The following MGMT variants were observed in gnomAD, a reference collection of about 807,000 sequenced individuals.
MGMT encodes methylated-DNA--protein-cysteine methyltransferase.
Under a neutral mutation model 15.9 loss-of-function variants are expected in MGMT, and 14 were observed. The observed-to-expected ratio is 0.88, with a 90% CI of 0.58 to 1.37. The LOEUF is 1.37. Ranked by LOEUF, MGMT falls within the 40% of genes most tolerant of loss-of-function variation. The pLI is 0.00. For missense variants in MGMT, 282 were observed against 268.1 expected, an observed-to-expected ratio of 1.05 and a Z score of -0.36; for synonymous variants, 130 against 118.2, an observed-to-expected ratio of 1.10 and a Z score of -0.65.
chr10:129,669,367 G>A (rs959311205), intron 2 of MGMT, among the ~76,000 whole-genome samples: 1 of 151,894 alleles, frequency 6.6e-6, no homozygotes, highest in African/African-American at 2.4e-5. Context: ...CTGGCTGGTT[G>A]CTTACCAATT....
chr10:129,559,920 T>C (rs932669504), intron 2 of MGMT, among the ~76,000 whole-genome samples: 2 of 152,246 alleles, frequency 1.3e-5, no homozygotes, highest in Non-Finnish European at 2.9e-5. Context: ...ATGCAGGTGC[T>C]GTTCCTTGGA....
intron 1 of MGMT, among the ~76,000 whole-genome samples, chr10:129,531,063 A>G (rs1397964739): frequency 1.3e-5 from 2 of 152,108 alleles, no homozygotes; most frequent in Non-Finnish European, 2.9e-5. Context: ...CAGGGGTCAC[A>G]GTGAATCTTC....
At chr10:129,560,774 A>G (rs1846267298) in intron 2 of MGMT, among the ~76,000 whole-genome samples, 1 of 152,216 alleles carries the variant, frequency 6.6e-6, no homozygotes, top group South Asian at 2.1e-4. Context: ...ATTTTCATTC[A>G]GCCATTAAAG....
At chr10:129,752,420 T>C (rs1170028528) in intron 3 of MGMT, among the ~76,000 whole-genome samples, 2 of 152,028 alleles carry the variant, frequency 1.3e-5, no homozygotes, top group Admixed American at 1.3e-4. Context: ...TTTTTAAAAA[T>C]CTATTGTGAC....
Position 129,570,309 on chromosome 10 carries a change from A to T in MGMT, c.125+33932A>T, listed in dbSNP as rs928080872. Reference sequence around the variant, plus strand: ...GGGCTTTTGTTGGTGTAGCTCTGCAAGTCAGCAGCACCCGGGTTCCACCCG... The same window carrying T: ...GGGCTTTTGTTGGTGTAGCTCTGCATGTCAGCAGCACCCGGGTTCCACCCG... On this transcript the variant is annotated intron_variant, in intron 2 of 4. Transcript: ENST00000651593. Among the ~76,000 whole-genome samples the T allele has an allele frequency of 2.0e-5, 3 of 152,262 alleles. 1 individual carries two copies. In the South Asian group the frequency reaches 6.2e-4, roughly 31 times the overall value.
chr10:129,519,718 G>T (rs745347277), intron 1 of MGMT, among the ~76,000 whole-genome samples: 1 of 152,126 alleles, frequency 6.6e-6, no homozygotes, highest in African/African-American at 2.4e-5. Flanking sequence ...ATGAAACTTA[G>T]TCTTTGCTAA....
intron 2 of MGMT, among the ~76,000 whole-genome samples, chr10:129,582,034 G>A (rs1178771097): frequency 1.3e-5 from 2 of 152,176 alleles, no homozygotes; most frequent in East Asian, 1.9e-4. Context: ...CTCTGTGGGC[G>A]GACTGTCCCA....
At chr10:129,647,115 C>G (rs117272437) in intron 2 of MGMT, among the ~76,000 whole-genome samples, 6 of 152,134 alleles carry the variant, frequency 3.9e-5, no homozygotes, top group African/African-American at 1.4e-4. Context: ...GTAGCCCCCA[C>G]GCCAAGTCCC....
intron 1 of MGMT, among the ~76,000 whole-genome samples, chr10:129,531,792 G>A (rs1451716825): frequency 1.4e-5 from 2 of 144,660 alleles, no homozygotes; most frequent in Non-Finnish European, 3.1e-5. Context: ...GGGTGGGGGG[G>A]GGTGGGGGTT....
At chr10:129,702,556 G>A (rs961781568) in intron 2 of MGMT, among the ~76,000 whole-genome samples, 7 of 152,200 alleles carry the variant, frequency 4.6e-5, no homozygotes, top group African/African-American at 1.4e-4. Context: ...GATGGGATAG[G>A]AAGGGGCTGA....
chr10:129,727,324 C>A (rs1003897627), intron 3 of MGMT, among the ~76,000 whole-genome samples: 2 of 152,202 alleles, frequency 1.3e-5, no homozygotes, highest in Non-Finnish European at 2.9e-5. Flanking sequence ...ATACAGGCAG[C>A]CCCAGGAGAG....
rs909240876 is a variant in MGMT at position 129,659,116 on chromosome 10, G to T, written c.126-48779G>T. ...TCACACCTGTAATCCCAACACTTTG[G>T]GAGGCCGAGGCAGGTGGATTACCTA... On this transcript the variant is annotated intron_variant, in intron 2 of 4. Transcript: ENST00000651593. This position sits in a 1 kb window ranked among gnomAD's most constrained non-coding sequence, Gnocchi z 4.1. Among the ~76,000 whole-genome samples the T allele has an allele frequency of 3.3e-5, 5 of 152,132 alleles. No individual in the cohort carries two copies. The highest frequency in any genetic ancestry group is 1.2e-4 in the African/African-American group (5 of 41,422).
chr10:129,676,681 C>G (rs1847789745), intron 2 of MGMT, among the ~76,000 whole-genome samples: 1 of 151,986 alleles, frequency 6.6e-6, no homozygotes, highest in African/African-American at 2.4e-5. Context: ...TAAAAGAAAC[C>G]ATTAAGAATG....
chr10:129,696,894 C>G (rs1185430835), intron 2 of MGMT, among the ~76,000 whole-genome samples: 1 of 152,244 alleles, frequency 6.6e-6, no homozygotes, highest in Non-Finnish European at 1.5e-5. Context: ...TGGCCTGAAT[C>G]ACTCCAGGCC....
chr10:129,540,260 G>A (rs1043263610), intron 2 of MGMT, among the ~76,000 whole-genome samples: 9 of 152,304 alleles, frequency 5.9e-5, no homozygotes, highest in African/African-American at 2.2e-4. Flanking sequence ...CTTAATTCAT[G>A]TATTTTTTCC....
At chr10:129,763,697 T>C (rs999528971) in intron 4 of MGMT, among the ~76,000 whole-genome samples, 5 of 152,180 alleles carry the variant, frequency 3.3e-5, no homozygotes, top group Non-Finnish European at 7.3e-5. Flanking sequence ...TCTTTATCAG[T>C]CAAAAACGTG....
At chr10:129,602,322 G>A (rs1007262059) in intron 2 of MGMT, among the ~76,000 whole-genome samples, 1 of 152,054 alleles carries the variant, frequency 6.6e-6, no homozygotes, top group African/African-American at 2.4e-5. Context: ...AAATCTCCAA[G>A]CGAGGTTGGC....
At chr10:129,724,085 TTTGC>T (rs1848405791) in intron 3 of MGMT, among the ~76,000 whole-genome samples, 1 of 152,230 alleles carries the variant, frequency 6.6e-6, no homozygotes, top group African/African-American at 2.4e-5. Flanking sequence ...TCACAGCAGC[TTTGC>T]TTGCTTTATT....
intron 2 of MGMT, among the ~76,000 whole-genome samples, chr10:129,671,065 C>T (rs1847716737): frequency 6.6e-6 from 1 of 152,188 alleles, no homozygotes; most frequent in Admixed American, 6.5e-5. Flanking sequence ...AAGCTGAAGC[C>T]AGCCAGCTCC....
Sources: allele counts gnomAD v4.1 joint callset (sites outside exome capture counted in the v4.1 genomes callset), GRCh38; gene constraint gnomAD v4.1.1; non-coding constraint Gnocchi (gnomAD v3.1); transcripts MANE v1.5; gene names NCBI Gene and HGNC (gene_info 2026-07-23, HGNC 2026-07-21).